MBNL3: variants seen among roughly 807,000 people sequenced by gnomAD.
MBNL3 encodes the protein muscleblind like splicing regulator 3.
A neutral mutation model predicts 24.5 loss-of-function variants in MBNL3; 6 were observed. That is an observed-to-expected ratio of 0.25 (90% CI 0.13 to 0.48). The LOEUF is 0.48. MBNL3 is among the 20% of genes least tolerant of loss of function. The probability of loss-of-function intolerance (pLI) is 0.99; values close to 1 mark genes in which losing one functional copy is unlikely to be tolerated. For missense variants in MBNL3, 230 were observed against 293.5 expected (o/e 0.78, Z 1.58); for synonymous variants, 100 against 101.7 (o/e 0.98, Z 0.10).
chrX:132,396,500 CTA>C lies in MBNL3; in HGVS notation c.343-4168_343-4167del, dbSNP rs1366681253. ...TTCATATATATTCCTATATATATTC[CTA>C]TATATATTCATATATATTCATATAT... On this transcript the variant is annotated intron_variant, in intron 3 of 8. Coordinates refer to ENST00000370853, the MANE Select transcript of MBNL3 (RefSeq NM_001386889.1). Among the ~76,000 whole-genome samples, 20 of 58,923 alleles carry C rather than the reference CTA, an allele frequency of 3.4e-4. 1 individual carries two copies. Among genetic ancestry groups the C allele is most frequent in the African/African-American group, 1.6e-3 (18 of 11,590 alleles). The allele number at this position is 58,923 out of a possible 115,157, so 51.2% of individuals were successfully genotyped here. A position where few individuals can be genotyped will look rare whatever the true frequency, so the allele number is the denominator to read the frequency against.
chrX:132,419,084 C>A (rs754750770), intron 2 of MBNL3, among the ~76,000 whole-genome samples: 11 of 112,783 alleles, frequency 9.8e-5, no homozygotes, highest in Non-Finnish European at 1.9e-4. Context: ...CCTAGGTAAC[C>A]AAATGTTAGA....
chrX:132,404,466 C>T (rs903756597), intron 3 of MBNL3, among the ~76,000 whole-genome samples: 1 of 112,095 alleles, frequency 8.9e-6, no homozygotes, highest in African/African-American at 3.2e-5. Flanking sequence ...AGGAGTTCAA[C>T]GATGTAAAGA....
At chrX:132,413,813 C>T (rs1375220979) in intron 2 of MBNL3, among the ~76,000 whole-genome samples, 1 of 111,482 alleles carries the variant, frequency 9.0e-6, no homozygotes, top group Non-Finnish European at 1.9e-5. Context: ...TGCCTAAACC[C>T]GTAACTCCGA....
intron 1 of MBNL3, among the ~76,000 whole-genome samples, chrX:132,476,952 A>G (rs1445934892): frequency 9.0e-6 from 1 of 111,705 alleles, no homozygotes; most frequent in African/African-American, 3.3e-5. Flanking sequence ...CTGACTCTAT[A>G]CTACTCTGTA....
chrX:132,376,957 C>T lies in MBNL3; in HGVS notation c.*2709G>A, dbSNP rs1313269916. ...ATACAGTGGCCCTAAATACCCCTCA[C>T]GGAACCTTTTACTTTAAGGTAAGTC... On this transcript the variant is annotated 3_prime_UTR_variant, in exon 9 of 9. Coordinates refer to ENST00000370853, the MANE Select transcript of MBNL3 (RefSeq NM_001386889.1). The T allele has an allele frequency of 3.6e-5, 4 of 111,475 alleles. No individual in the cohort carries two copies. Among genetic ancestry groups the T allele is most frequent in the Non-Finnish European group, 7.6e-5 (4 of 52,962 alleles). 9.2% of individuals were successfully genotyped at this position (111,475 alleles called of 1,213,427 possible).
chrX:132,408,092 C>CTTTTTTTTTTTTT lies in MBNL3; in HGVS notation c.178-1713_178-1701dup, dbSNP rs60044820. Among the ~76,000 whole-genome samples the CTTTTTTTTTTTTT allele has an allele frequency of 4.4e-4, 10 of 22,570 alleles. 1 individual carries two copies. The highest frequency in any genetic ancestry group is 6.3e-4 in the Non-Finnish European group (8 of 12,633). 19.6% of individuals were successfully genotyped at this position (22,570 alleles called of 115,157 possible). On this transcript the variant is annotated intron_variant, in intron 2 of 8. Transcript: ENST00000370853. Reference sequence around the variant, plus strand: ...CCTGACCTCTCTTCTGAATTTCAGTCTTTTTTTTTTTTTTTTTTTTTTTTT... The same window carrying CTTTTTTTTTTTTT: ...CCTGACCTCTCTTCTGAATTTCAGTCTTTTTTTTTTTTTTTTTTTTTTTTTTTTTTTTTTTTTT...
chrX:132,429,591 T>C (rs1158887243), intron 2 of MBNL3, among the ~76,000 whole-genome samples: 1 of 112,142 alleles, frequency 8.9e-6, no homozygotes, highest in Non-Finnish European at 1.9e-5. Context: ...TTAATCTAAA[T>C]TATCATGAAT....
In MBNL3 at chrX:132,384,675, C is replaced by T. The variant is rs753279087; in HGVS notation, c.946G>A (p.Ala316Thr). 3.9e-5 allele frequency: 46 copies of T among 1,194,656 alleles called. No individual in the cohort carries two copies. In the East Asian group the frequency reaches 3.9e-4, roughly 10 times the overall value. The change falls in exon 7 of 9, where the codon GCT becomes ACT. Residue 316 changes from alanine to threonine, a missense_variant. Coordinates refer to ENST00000370853, the MANE Select transcript of MBNL3 (RefSeq NM_001386889.1). ...PAGPILCMAP[A>T]SNIVPMMHGA... ...GTAGAAAACCTACCAATATTTGAAG[C>T]GGGTGCCATGCACAGTATTGGCCCT... is the stretch of plus-strand genomic sequence containing the variant.
Position 132,372,593 on chromosome X carries a change from C to A in MBNL3, c.*7073G>T. On this transcript the variant is annotated 3_prime_UTR_variant, in exon 9 of 9. Coordinates refer to ENST00000370853, the MANE Select transcript of MBNL3 (RefSeq NM_001386889.1). ...ATATCATTCTCTCAACTGCTAGACA[C>A]AAAAGACATAGCAACAAAGTAATTT... 1 of 109,730 alleles carries A rather than the reference C, an allele frequency of 9.1e-6. No individual in the cohort carries two copies. The highest frequency in any genetic ancestry group is 3.8e-4 in the South Asian group (1 of 2,617). The allele number at this position is 109,730 out of a possible 1,213,427, so 9.0% of individuals were successfully genotyped here.
chrX:132,404,108 TTC>T (rs1018247820), intron 3 of MBNL3, among the ~76,000 whole-genome samples: 12 of 111,650 alleles, frequency 1.1e-4, no homozygotes, highest in African/African-American at 3.6e-4. Context: ...TATTTGTTTT[TTC>T]TCTGTCTGGC....
At chrX:132,400,937 A>G (rs181964637) in intron 3 of MBNL3, among the ~76,000 whole-genome samples, 46 of 111,934 alleles carry the variant, frequency 4.1e-4, no homozygotes, top group Admixed American at 2.2e-3. Context: ...TAACTTGAAA[A>G]TTTTGCAAAA....
At position 132,392,123 on chromosome X, in the gene MBNL3, A is replaced by G. The variant is rs745768423; in HGVS notation, c.534+20T>C. On this transcript the variant is annotated intron_variant, in intron 4 of 8. Transcript: ENST00000370853. ...GTTAATATCTATTCTACAGGTATTTATATATATGTTCACAAATACCTCCAG... is the reference window on the plus strand; with the variant it reads ...GTTAATATCTATTCTACAGGTATTTGTATATATGTTCACAAATACCTCCAG... 4.6e-5 allele frequency: 52 copies of G among 1,142,584 alleles called. No individual in the cohort carries two copies. The highest frequency in any genetic ancestry group is 3.6e-6 in the Non-Finnish European group (3 of 843,971). The allele number at this position is 1,142,584 out of a possible 1,213,427, so 94.2% of individuals were successfully genotyped here.
rs1945315068 is a variant in MBNL3 at position 132,439,979 on chromosome X, G to A, written c.-368C>T. On this transcript the variant is annotated 5_prime_UTR_variant, in exon 2 of 9. Transcript: ENST00000370853. ...TCAATTATTCTTGCAAAAAACATAT[G>A]CTGCTGGCTGCCCTTCGATTTGTGG... 9.0e-6 allele frequency among the ~76,000 whole-genome samples: 1 copy of A among 111,499 alleles called. No homozygotes were observed. Among genetic ancestry groups the A allele is most frequent in the African/African-American group, 3.3e-5 (1 of 30,687 alleles).
chrX:132,483,009 C>T (rs1013552430), intron 1 of MBNL3, among the ~76,000 whole-genome samples: 1 of 112,462 alleles, frequency 8.9e-6, no homozygotes, highest in Non-Finnish European at 1.9e-5. Flanking sequence ...CTATGTTTCA[C>T]TTCATATATC....
intron 1 of MBNL3, among the ~76,000 whole-genome samples, chrX:132,474,616 C>T (rs1362325200): frequency 9.0e-6 from 1 of 111,668 alleles, no homozygotes; most frequent in African/African-American, 3.3e-5. Context: ...TGCATATTAA[C>T]AGAGATGTTG....
intron 3 of MBNL3, among the ~76,000 whole-genome samples, chrX:132,403,067 G>A (rs1472115824): frequency 8.9e-6 from 1 of 111,834 alleles, no homozygotes; most frequent in Admixed American, 9.5e-5. Context: ...TTATTGGGTA[G>A]GGGTGATTAA....
chrX:132,388,714 C>CTAAG (rs1255478398), intron 5 of MBNL3, among the ~76,000 whole-genome samples: 3 of 111,076 alleles, frequency 2.7e-5, no homozygotes, highest in Non-Finnish European at 3.8e-5. Flanking sequence ...TGTGGATGAA[C>CTAAG]TAAGTATCAA....
chrX:132,426,097 T>G (rs1184754043), intron 2 of MBNL3, among the ~76,000 whole-genome samples: 1 of 112,035 alleles, frequency 8.9e-6, no homozygotes, highest in African/African-American at 3.2e-5. Flanking sequence ...TACCTCTCAG[T>G]TGAGCCCATA....
At chrX:132,461,716 A>G (rs749791356) in intron 1 of MBNL3, among the ~76,000 whole-genome samples, 1 of 111,725 alleles carries the variant, frequency 9.0e-6, no homozygotes, top group South Asian at 3.8e-4. Flanking sequence ...GATCACAATG[A>G]CTGTATCTAT....
Sources: allele counts gnomAD v4.1 joint callset (sites outside exome capture counted in the v4.1 genomes callset), GRCh38; gene constraint gnomAD v4.1.1; transcripts MANE v1.5; gene names NCBI Gene and HGNC (gene_info 2026-07-23, HGNC 2026-07-21).